Variants in PTCRA observed in about 807,000 individuals in gnomAD.
PTCRA encodes the protein pre T cell antigen receptor alpha, also known as pre T-cell antigen receptor alpha.
In PTCRA, 9 loss-of-function variants were observed where a neutral mutation model predicts 13.4. The ratio of observed to expected loss-of-function variants is 0.67; its 90% CI spans 0.41 to 1.18. PTCRA has a LOEUF of 1.18. PTCRA is among the 50% of genes most tolerant of loss of function. The probability of loss-of-function intolerance (pLI) is 0.01; values close to 1 mark genes in which losing one functional copy is unlikely to be tolerated. For synonymous variants in PTCRA, 153 were observed against 161.9 expected (o/e 0.94, Z 0.42); for missense variants, 353 against 359.8 (o/e 0.98, Z 0.15).
Position 42,923,241 on chromosome 6 carries a change from T to A in PTCRA, c.273T>A (p.His91Gln), listed in dbSNP as rs759343944. Residue 91 changes from histidine (H) to glutamine (Q), a missense_variant, in exon 2 of 4, where the codon CAT (histidine) becomes CAA (glutamine). His to Gln is a conservative substitution (Grantham distance 24). Transcript: ENST00000304672. ...ATGGCACCTGGACCAACTTGGCCCATCTCTCCCTGCCTTCTGAGGAGCTGG... is the reference window on the plus strand; with the variant it reads ...ATGGCACCTGGACCAACTTGGCCCAACTCTCCCTGCCTTCTGAGGAGCTGG... ...ATDGTWTNLA[H>Q]LSLPSEELAS... The A allele has an allele frequency of 6.2e-7, 1 of 1,614,200 alleles. No homozygotes were observed. Among genetic ancestry groups the A allele is most frequent in the South Asian group, 1.1e-5 (1 of 91,082 alleles).
intron 1 of PTCRA, among the ~76,000 whole-genome samples, chr6:42,920,811 C>CT (rs544790680): frequency 0.033 from 4,044 of 122,748 alleles, 202 homozygotes; most frequent in African/African-American, 0.11. Context: ...CTAAACAAAG[C>CT]TTTTTTTTTT....
At chr6:42,924,796 C>A (rs1315122371) in intron 3 of PTCRA, among the ~76,000 whole-genome samples, 1 of 152,024 alleles carries the variant, frequency 6.6e-6, no homozygotes, top group Non-Finnish European at 1.5e-5. Context: ...CATGGTGAAA[C>A]CCCGTCTCTA....
Position 42,921,948 on chromosome 6 carries a change from C to A in PTCRA, c.59-1079C>A, listed in dbSNP as rs571996289. On this transcript the variant is annotated intron_variant, in intron 1 of 3. Coordinates refer to ENST00000304672, the MANE Select transcript of PTCRA (RefSeq NM_138296.3). ...GCTGAGGCAGAAGAATGGCTTGAAC[C>A]CAGAAGGCAGAGGTTGCAGTGAGCC... Among the ~76,000 whole-genome samples the A allele has an allele frequency of 6.5e-4, 99 of 151,852 alleles. 1 individual carries two copies. Among genetic ancestry groups the A allele is most frequent in the Admixed American group, 2.4e-3 (37 of 15,228 alleles).
intron 1 of PTCRA, 100 bp from the exon 2 acceptor site, chr6:42,922,927 G>A: frequency 9.1e-7 from 1 of 1,104,648 alleles, no homozygotes; most frequent in East Asian, 2.4e-5. Context: ...AAGGATGGAT[G>A]GATGGAAAGA....
intron 1 of PTCRA, 61 bp from the exon 2 acceptor site, chr6:42,922,966 C>G (rs1767257014): frequency 9.3e-6 from 14 of 1,503,112 alleles, no homozygotes; most frequent in Non-Finnish European, 1.3e-5. Flanking sequence ...GCCTACAACA[C>G]AATGCTGGCC....
chr6:42,924,330 CG>C (rs752526104), intron 3 of PTCRA, 57 bp downstream of exon 3: 17 of 1,519,196 alleles, frequency 1.1e-5, no homozygotes, highest in African/African-American at 4.1e-5. Context: ...ACCTTGGGCC[CG>C]GGGGGTGGGG....
At chr6:42,921,158 G>A (rs1367499199) in intron 1 of PTCRA, among the ~76,000 whole-genome samples, 1 of 151,900 alleles carries the variant, frequency 6.6e-6, no homozygotes, top group African/African-American at 2.4e-5. Context: ...CTGGAGTGTA[G>A]TGGCATGATC....
chr6:42,924,335 G>T (rs768535039), intron 3 of PTCRA, 62 bp downstream of exon 3: 2 of 1,466,454 alleles, frequency 1.4e-6, no homozygotes, highest in East Asian at 2.3e-5. Context: ...GGGCCCGGGG[G>T]GTGGGGCCTT....
Position 42,925,532 on chromosome 6 carries a change from A to T in PTCRA, c.696A>T (p.Pro232=). The T allele has an allele frequency of 6.3e-7, 1 of 1,586,896 alleles. No individual in the cohort carries two copies. The highest frequency in any genetic ancestry group is 8.6e-7 in the Non-Finnish European group (1 of 1,165,520). Residue 232 remains proline, a synonymous_variant, in exon 4 of 4, where the codon CCA becomes CCT. Coordinates refer to ENST00000304672, the MANE Select transcript of PTCRA (RefSeq NM_138296.3). The surrounding 1 kb of genome is among the most constrained non-coding windows in gnomAD (Gnocchi z 4.4). The stretch of plus-strand genomic sequence containing the variant: ...CTCCGGGTCGGAAGCCCGGGAGCCC[A>T]GTATGGGGGGAAGGGTCTTACCTCA... ...DTPPGRKPGS[P]VWGEGSYLSS...
chr6:42,921,259 G>A lies in PTCRA; in HGVS notation c.59-1768G>A, dbSNP rs959954681. ...TGGGACTACGGGTATGCACCACCACGCCCGACTAATTTTTGTATTTTTAGT... is the reference window on the plus strand; with the variant it reads ...TGGGACTACGGGTATGCACCACCACACCCGACTAATTTTTGTATTTTTAGT... On this transcript the variant is annotated intron_variant, in intron 1 of 3. Transcript: ENST00000304672. Among the ~76,000 whole-genome samples the A allele has an allele frequency of 1.3e-4, 19 of 150,208 alleles. No individual in the cohort carries two copies. The South Asian group carries it at 1.3e-3, about 10-fold the overall frequency.
intron 1 of PTCRA, among the ~76,000 whole-genome samples, chr6:42,920,043 G>A (rs1043239353): frequency 2.0e-5 from 3 of 150,934 alleles, no homozygotes; most frequent in Non-Finnish European, 4.4e-5. Context: ...ATAATAGGCC[G>A]GGTGAGGTGG....
rs200928800 is a variant in PTCRA, at chr6:42,925,488, C to A, written c.652C>A (p.Arg218Ser). 3.2e-6 allele frequency: 5 copies of A among 1,560,706 alleles called. No homozygotes were observed. Among genetic ancestry groups the A allele is most frequent in the East Asian group, 2.4e-5 (1 of 41,816 alleles). Residue 218 changes from arginine to serine, a missense_variant, in exon 4 of 4, where the codon CGC becomes AGC. Coordinates refer to ENST00000304672, the MANE Select transcript of PTCRA (RefSeq NM_138296.3). This position sits in a 1 kb window ranked among gnomAD's most constrained non-coding sequence, Gnocchi z 4.4. ...TSSPRPQPRD[R>S]RWGDTPPGRK... Reference sequence around the variant, plus strand: ...CTCACCCAGACCCCAGCCTCGGGACCGCCGCTGGGGTGACACCCCTCCGGG... The same window carrying A: ...CTCACCCAGACCCCAGCCTCGGGACAGCCGCTGGGGTGACACCCCTCCGGG...
Position 42,925,414 on chromosome 6 carries a change from C to A in PTCRA, c.578C>A (p.Ser193Tyr). 1 of 1,555,614 alleles carries A rather than the reference C, an allele frequency of 6.4e-7. No homozygotes were observed. Among genetic ancestry groups the A allele is most frequent in the Non-Finnish European group, 8.7e-7 (1 of 1,149,228 alleles). ...ATTTRLRALG[S>Y]HRLHPATETG... The stretch of plus-strand genomic sequence containing the variant: ...ACCACCCGCCTGCGAGCCCTCGGCT[C>A]CCATCGACTGCACCCGGCCACGGAG... Residue 193 changes from serine (S) to tyrosine (Y), a missense_variant, in exon 4 of 4, where the codon TCC becomes TAC. Transcript: ENST00000304672. The surrounding 1 kb of genome is among the most constrained non-coding windows in gnomAD (Gnocchi z 4.4).
chr6:42,916,183 C>G (rs2114111587), intron 1 of PTCRA, 56 bp downstream of exon 1: 1 of 1,538,330 alleles, frequency 6.5e-7, no homozygotes, highest in Non-Finnish European at 9.0e-7. Context: ...GAAGCCCATC[C>G]CCTCACTCTG....
chr6:42,917,024 G>GT (rs1766902568), intron 1 of PTCRA, among the ~76,000 whole-genome samples: 1 of 151,988 alleles, frequency 6.6e-6, no homozygotes, highest in African/African-American at 2.4e-5. Context: ...GGCTCTGGAG[G>GT]TTGAGTCCTG....
chr6:42,917,229 T>TTATTATTATAA (rs879847725), intron 1 of PTCRA, among the ~76,000 whole-genome samples: 1 of 137,314 alleles, frequency 7.3e-6, no homozygotes, highest in African/African-American at 2.9e-5. Context: ...ATTATTATTA[T>TTATTATTATAA]TATTTATTTT....
intron 2 of PTCRA, among the ~76,000 whole-genome samples, chr6:42,923,649 C>T (rs1767297636): frequency 6.6e-6 from 1 of 152,228 alleles, no homozygotes; most frequent in South Asian, 2.1e-4. Context: ...GTACATGACA[C>T]CCTATAAGGA....
rs541729567 is a variant in PTCRA at position 42,917,105 on chromosome 6, C to T, written c.58+978C>T. Among the ~76,000 whole-genome samples the T allele has an allele frequency of 3.5e-4, 53 of 152,046 alleles. No individual in the cohort carries two copies. In the South Asian group the frequency reaches 0.011, roughly 31 times the overall value. ...ATTAATATTAATATCAACAATTGCA[C>T]TAATACTTATCTGCCAGGGCATTTT... On this transcript the variant is annotated intron_variant, in intron 1 of 3. Coordinates refer to ENST00000304672, the MANE Select transcript of PTCRA (RefSeq NM_138296.3).
intron 1 of PTCRA, among the ~76,000 whole-genome samples, chr6:42,917,213 ATT>A (rs1766913089): frequency 1.5e-5 from 2 of 135,660 alleles, no homozygotes; most frequent in African/African-American, 6.7e-5. Context: ...TATTATTATT[ATT>A]ATTATTATTA....
Sources: gnomAD v4.1 joint callset for allele counts (sites outside exome capture counted in the v4.1 genomes callset) on GRCh38, gnomAD v4.1.1 for gene constraint, Gnocchi (gnomAD v3.1) non-coding constraint, MANE v1.5 for transcripts, NCBI Gene and HGNC (gene_info 2026-07-23, HGNC 2026-07-21) for gene names.